FTO: variants seen among roughly 807,000 people sequenced by gnomAD.
FTO encodes the protein FTO alpha-ketoglutarate dependent dioxygenase.
Under a neutral mutation model 63.9 loss-of-function variants are expected in FTO, and 47 were observed. That is an observed-to-expected ratio of 0.74 (90% CI 0.58 to 0.94). FTO has a LOEUF of 0.94. Ranked by LOEUF, FTO falls within the 40% of genes least tolerant of loss-of-function variation. The pLI is 0.00. For missense variants in FTO, 562 were observed against 618.1 expected, an observed-to-expected ratio of 0.91 and a Z score of 0.96; for synonymous variants, 207 against 224.4, an observed-to-expected ratio of 0.92 and a Z score of 0.69.
At chr16:53,828,690 A>G (rs1425393401) in intron 3 of FTO, among the ~76,000 whole-genome samples, 1 of 152,208 alleles carries the variant, frequency 6.6e-6, no homozygotes, top group Non-Finnish European at 1.5e-5. Context: ...TACTATTGCT[A>G]TCCTCATTTT....
At chr16:53,885,569 A>C (rs1252670753) in intron 6 of FTO, among the ~76,000 whole-genome samples, 1 of 152,188 alleles carries the variant, frequency 6.6e-6, no homozygotes, top group Non-Finnish European at 1.5e-5. Context: ...CCTGGTCAGA[A>C]AATTGGTAAG....
At chr16:53,792,163 G>C (rs1468036824) in intron 1 of FTO, among the ~76,000 whole-genome samples, 1 of 152,036 alleles carries the variant, frequency 6.6e-6, no homozygotes, top group Non-Finnish European at 1.5e-5. Flanking sequence ...TGGAAACAAA[G>C]AGAAATACCT....
chr16:54,098,341 C>A (rs1190967934), intron 8 of FTO, among the ~76,000 whole-genome samples: 1 of 152,108 alleles, frequency 6.6e-6, no homozygotes, highest in African/African-American at 2.4e-5. Flanking sequence ...CCAGAAAGAC[C>A]CAGGAACCTC....
intron 8 of FTO, among the ~76,000 whole-genome samples, chr16:54,018,071 T>C (rs1196483927): frequency 6.7e-6 from 1 of 149,572 alleles, no homozygotes; most frequent in Non-Finnish European, 1.5e-5. Context: ...TCATCATCAT[T>C]ATTCTAGTAC....
chr16:53,960,957 A>C (rs1452325303), intron 8 of FTO, among the ~76,000 whole-genome samples: 4 of 152,152 alleles, frequency 2.6e-5, no homozygotes, highest in African/African-American at 4.8e-5. Flanking sequence ...GTCTCTTGCA[A>C]GCACAAAACT....
chr16:53,802,016 G>C (rs113714959), intron 1 of FTO, among the ~76,000 whole-genome samples: 1 of 151,890 alleles, frequency 6.6e-6, no homozygotes, highest in Non-Finnish European at 1.5e-5. Context: ...CGCCCACCTC[G>C]GCCTCCCAAA....
chr16:53,963,901 C>T (rs2083140445), intron 8 of FTO, among the ~76,000 whole-genome samples: 1 of 152,104 alleles, frequency 6.6e-6, no homozygotes, highest in African/African-American at 2.4e-5. Flanking sequence ...TACAGGCACC[C>T]GCCACAATGC....
chr16:53,887,524 T>C (rs1324141508), intron 6 of FTO, among the ~76,000 whole-genome samples: 4 of 152,196 alleles, frequency 2.6e-5, no homozygotes, highest in Admixed American at 6.5e-5. Context: ...TTTACCATAG[T>C]AGATTCATCG....
At chr16:54,086,036 A>G (rs1217582919) in intron 8 of FTO, among the ~76,000 whole-genome samples, 1 of 152,186 alleles carries the variant, frequency 6.6e-6, no homozygotes, top group Non-Finnish European at 1.5e-5. Flanking sequence ...GCAAAATAAC[A>G]ACAACAATAA....
Position 54,119,733 on chromosome 16 carries a change from G to A in FTO, c.*7818G>A, listed in dbSNP as rs1229520821. 1.3e-5 allele frequency: 2 copies of A among 152,184 alleles called. No individual in the cohort carries two copies. The highest frequency in any genetic ancestry group is 4.8e-5 in the African/African-American group (2 of 41,450). The allele number at this position is 152,184 out of a possible 1,614,324, so 9.4% of individuals were successfully genotyped here. A position where few individuals can be genotyped will look rare whatever the true frequency, so the allele number is the denominator to read the frequency against. On this transcript the variant is annotated 3_prime_UTR_variant, in exon 9 of 9. Coordinates refer to ENST00000471389, the MANE Select transcript of FTO (RefSeq NM_001080432.3). The stretch of plus-strand genomic sequence containing the variant: ...CATTAAAGCCCCCATTAGCTTGAAT[G>A]CATTCAAAGCTAAACTATTGGATCA...
In FTO at chr16:53,795,531, C is replaced by T. The variant is rs564901632; in HGVS notation, c.46-14609C>T. On this transcript the variant is annotated intron_variant, in intron 1 of 8. Coordinates refer to ENST00000471389, the MANE Select transcript of FTO (RefSeq NM_001080432.3). ...TGTTGCCCAGGCTGGTCTCAAACTCCTAGGCTCAAGCCATCCACCTGAGGT... is the reference window on the plus strand; with the variant it reads ...TGTTGCCCAGGCTGGTCTCAAACTCTTAGGCTCAAGCCATCCACCTGAGGT... Among the ~76,000 whole-genome samples, 3 of 152,200 alleles carry T rather than the reference C, an allele frequency of 2.0e-5. No homozygotes were observed. The South Asian group carries it at 6.2e-4, about 32-fold the overall frequency.
At chr16:54,068,309 G>T (rs1237989051) in intron 8 of FTO, among the ~76,000 whole-genome samples, 2 of 151,574 alleles carry the variant, frequency 1.3e-5, no homozygotes, top group African/African-American at 2.4e-5. Context: ...CAGATCTCAA[G>T]ATTTGAAAGG....
chr16:53,866,766 T>C (rs1283063620), intron 4 of FTO, among the ~76,000 whole-genome samples: 2 of 152,094 alleles, frequency 1.3e-5, no homozygotes, highest in African/African-American at 4.8e-5. Flanking sequence ...TCTTTTTTCT[T>C]AGTCTGCCTA....
chr16:54,050,919 C>T lies in FTO; in HGVS notation c.1365-60843C>T, dbSNP rs1041002188. On this transcript the variant is annotated intron_variant, in intron 8 of 8. Coordinates refer to ENST00000471389, the MANE Select transcript of FTO (RefSeq NM_001080432.3). ...AAAAGTCAATGTGAACTGACAGAAA[C>T]GCCAGAACAGACAGTATGAAAACAT... 1.7e-4 allele frequency among the ~76,000 whole-genome samples: 26 copies of T among 152,218 alleles called. 1 individual carries two copies. Among genetic ancestry groups the T allele is most frequent in the African/African-American group, 5.1e-4 (21 of 41,540 alleles).
At chr16:53,757,653 T>G (rs1393930196) in intron 1 of FTO, among the ~76,000 whole-genome samples, 1 of 152,192 alleles carries the variant, frequency 6.6e-6, no homozygotes, top group African/African-American at 2.4e-5. Context: ...AAGTCTATGA[T>G]TTCAGAACTA....
intron 3 of FTO, among the ~76,000 whole-genome samples, chr16:53,835,243 C>A (rs1247847516): frequency 6.6e-6 from 1 of 152,126 alleles, no homozygotes; most frequent in Non-Finnish European, 1.5e-5. Flanking sequence ...GCATGGGGAT[C>A]CCTTTCTGTG....
At chr16:54,017,971 C>G (rs1421327315) in intron 8 of FTO, among the ~76,000 whole-genome samples, 1 of 151,902 alleles carries the variant, frequency 6.6e-6, no homozygotes, top group Non-Finnish European at 1.5e-5. Flanking sequence ...CCCCTGGTCC[C>G]CCACCATGAC....
chr16:54,024,707 A>G (rs1359440530), intron 8 of FTO, among the ~76,000 whole-genome samples: 1 of 152,220 alleles, frequency 6.6e-6, no homozygotes, highest in South Asian at 2.1e-4. Flanking sequence ...AGCAATGCTT[A>G]ACTCATAGGT....
At position 54,027,462 on chromosome 16, in the gene FTO, A is replaced by G. The variant is rs1260113289; in HGVS notation, c.1365-84300A>G. 4.0e-5 allele frequency among the ~76,000 whole-genome samples: 6 copies of G among 151,626 alleles called. No homozygotes were observed. In the Admixed American group the frequency reaches 4.0e-4, roughly 10 times the overall value. ...CTTTGCTTCAGACAAAGCGAAAAGA[A>G]AAAAGGACATTAGGAACCCTCATTT... On this transcript the variant is annotated intron_variant, in intron 8 of 8. Coordinates refer to ENST00000471389, the MANE Select transcript of FTO (RefSeq NM_001080432.3).
Sources: gnomAD v4.1 joint callset for allele counts (sites outside exome capture counted in the v4.1 genomes callset) on GRCh38, gnomAD v4.1.1 for gene constraint, MANE v1.5 for transcripts, NCBI Gene and HGNC (gene_info 2026-07-23, HGNC 2026-07-21) for gene names.